DNAJC13: variants seen among roughly 807,000 people sequenced by gnomAD.
The protein encoded by DNAJC13 is dnaJ homolog subfamily C member 13.
A neutral mutation model predicts 290.5 loss-of-function variants in DNAJC13; 75 were observed. That is an observed-to-expected ratio of 0.26 (90% CI 0.21 to 0.31). DNAJC13 has a LOEUF of 0.31. DNAJC13 is among the 10% of genes least tolerant of loss of function. The pLI is 1.00. For missense variants in DNAJC13, 2,260 were observed against 2,674.5 expected, an observed-to-expected ratio of 0.85 and a Z score of 3.42; for synonymous variants, 862 against 892.0, an observed-to-expected ratio of 0.97 and a Z score of 0.60.
intron 36 of DNAJC13, among the ~76,000 whole-genome samples, chr3:132,497,743 A>G (rs111458582): frequency 1.4e-3 from 207 of 152,342 alleles, no homozygotes; most frequent in African/African-American, 4.8e-3. Flanking sequence ...TCTGTTATCA[A>G]GGTCATCTTT....
Position 132,507,347 on chromosome 3 carries a change from A to G in DNAJC13, c.5109A>G (p.Gln1703=), listed in dbSNP as rs1427423355. The part of the protein sequence containing the change: ...VRVYNEVPTF[Q]LEVPKAFAAS... ...TGTATAATGAAGTTCCTACTTTCCAACTGGAGGTAAGCTCTCTGCTTTTAA... is the reference window on the plus strand; with the variant it reads ...TGTATAATGAAGTTCCTACTTTCCAGCTGGAGGTAAGCTCTCTGCTTTTAA... The change falls in exon 43 of 56, where the codon CAA becomes CAG. Residue 1703 remains glutamine, a synonymous_variant. Coordinates refer to ENST00000260818, the MANE Select transcript of DNAJC13 (RefSeq NM_015268.4). 2.6e-6 allele frequency: 4 copies of G among 1,563,138 alleles called. No homozygotes were observed. Among genetic ancestry groups the G allele is most frequent in the Non-Finnish European group, 3.5e-6 (4 of 1,134,400 alleles).
intron 2 of DNAJC13, among the ~76,000 whole-genome samples, chr3:132,436,015 G>A (rs1939376263): frequency 6.6e-6 from 1 of 152,116 alleles, no homozygotes; most frequent in Admixed American, 6.5e-5. Flanking sequence ...TTTAGGCCTT[G>A]AGACTTGGTT....
chr3:132,463,742 G>A lies in DNAJC13; in HGVS notation c.1817G>A (p.Ser606Asn), dbSNP rs1933885457. 1.2e-6 allele frequency: 2 copies of A among 1,613,318 alleles called. No homozygotes were observed. Among genetic ancestry groups the A allele is most frequent in the Non-Finnish European group, 1.7e-6 (2 of 1,179,534 alleles). ...IATKMQELAL[S>N]EGALPRHLHT... Reference sequence around the variant, plus strand: ...ACAAAAATGCAGGAGCTTGCCCTAAGTGAAGGTGCCTTACCTCGACACTTG... The same window carrying A: ...ACAAAAATGCAGGAGCTTGCCCTAAATGAAGGTGCCTTACCTCGACACTTG... The change falls in exon 17 of 56, where the codon AGT (serine) becomes AAT (asparagine). Residue 606 changes from serine (S) to asparagine (N), a missense_variant. Ser to Asn is a conservative substitution (Grantham distance 46). Coordinates refer to ENST00000260818, the MANE Select transcript of DNAJC13 (RefSeq NM_015268.4).
chr3:132,445,055 A>C (rs918161907), intron 2 of DNAJC13, among the ~76,000 whole-genome samples: 5 of 152,160 alleles, frequency 3.3e-5, no homozygotes, highest in African/African-American at 1.2e-4. Flanking sequence ...AAAAATAGAC[A>C]AGAGAAAAAT....
intron 36 of DNAJC13, 134 bp downstream of exon 36, chr3:132,496,797 G>T: frequency 5.6e-6 from 5 of 894,220 alleles, no homozygotes; most frequent in Non-Finnish European, 7.6e-6. Context: ...TTGGAATTAT[G>T]TTTTAAATAA....
intron 1 of DNAJC13, among the ~76,000 whole-genome samples, chr3:132,423,197 T>G (rs888121386): frequency 1.3e-5 from 2 of 152,140 alleles, no homozygotes; most frequent in Non-Finnish European, 2.9e-5. Context: ...GAGGATTGCT[T>G]GAACCCAGGA....
At chr3:132,472,950 AATT>A (rs1422643875) in intron 20 of DNAJC13, among the ~76,000 whole-genome samples, 192 bp from the exon 21 acceptor site, 1 of 152,226 alleles carries the variant, frequency 6.6e-6, no homozygotes, top group Admixed American at 6.5e-5. Flanking sequence ...TATGCTGTCA[AATT>A]ATTATATGTG....
intron 54 of DNAJC13, among the ~76,000 whole-genome samples, chr3:132,528,808 T>C (rs1364481051): frequency 1.3e-5 from 2 of 152,028 alleles, no homozygotes; most frequent in African/African-American, 2.4e-5. Context: ...TTCCTATGTG[T>C]GTTAATGTAT....
At chr3:132,486,413 A>G (rs1934879336) in intron 29 of DNAJC13, among the ~76,000 whole-genome samples, 2 of 152,146 alleles carry the variant, frequency 1.3e-5, no homozygotes, top group Non-Finnish European at 1.5e-5. Flanking sequence ...AAATGGCATT[A>G]AATTTCAGTC....
chr3:132,479,278 A>G lies in DNAJC13; in HGVS notation c.2761A>G (p.Ile921Val). The G allele has an allele frequency of 1.2e-6, 2 of 1,602,800 alleles. No individual in the cohort carries two copies. The highest frequency in any genetic ancestry group is 1.7e-6 in the Non-Finnish European group (2 of 1,170,394). ...DRLILFLNKL[I>V]LNKKNVKDLM... ...GTTGATTCTCTTCCTTAACAAGTTGATCCTTAATAAGGTACAGTAGTTTCG... is the reference window on the plus strand; with the variant it reads ...GTTGATTCTCTTCCTTAACAAGTTGGTCCTTAATAAGGTACAGTAGTTTCG... Residue 921 changes from isoleucine (I) to valine (V), a missense_variant, in exon 25 of 56, where the codon ATC becomes GTC. Ile to Val is a conservative substitution (Grantham distance 29, BLOSUM62 3). Coordinates refer to ENST00000260818, the MANE Select transcript of DNAJC13 (RefSeq NM_015268.4).
chr3:132,538,302 A>G lies in DNAJC13; in HGVS notation c.*20A>G, dbSNP rs777953639. On this transcript the variant is annotated 3_prime_UTR_variant, in exon 56 of 56. Coordinates refer to ENST00000260818, the MANE Select transcript of DNAJC13 (RefSeq NM_015268.4). ...ACTTGAAATATTCACGAGAGACAAT[A>G]AACGCTGAAAGGCCAGTGCCAAGTC... 1 of 1,601,680 alleles carries G rather than the reference A, an allele frequency of 6.2e-7. No individual in the cohort carries two copies. The highest frequency in any genetic ancestry group is 8.5e-7 in the Non-Finnish European group (1 of 1,170,954).
At chr3:132,436,874 T>C (rs1186741643) in intron 2 of DNAJC13, among the ~76,000 whole-genome samples, 3 of 150,848 alleles carry the variant, frequency 2.0e-5, no homozygotes, top group African/African-American at 7.3e-5. Context: ...AAAAATTTTT[T>C]TTATTTTACT....
At chr3:132,460,392 A>T in intron 14 of DNAJC13, 35 bp downstream of exon 14, 1 of 1,404,240 alleles carries the variant, frequency 7.1e-7, no homozygotes, top group African/African-American at 1.5e-5. Context: ...CATGGTAGAT[A>T]CCATACCATT....
intron 20 of DNAJC13, 116 bp downstream of exon 20, chr3:132,467,429 A>T (rs1934034466): frequency 1.1e-6 from 1 of 933,568 alleles, no homozygotes; most frequent in Non-Finnish European, 1.6e-6. Flanking sequence ...CCTGAAGCTT[A>T]AAAATGAATG....
intron 17 of DNAJC13, among the ~76,000 whole-genome samples, chr3:132,465,101 A>G (rs974539941): frequency 5.3e-5 from 8 of 152,206 alleles, no homozygotes; most frequent in African/African-American, 1.7e-4. Context: ...AATTACTTCA[A>G]TATGTTAGCT....
intron 39 of DNAJC13, 46 bp from the exon 40 acceptor site, chr3:132,502,243 T>C (rs1935438445): frequency 1.5e-5 from 22 of 1,454,650 alleles, no homozygotes; most frequent in Non-Finnish European, 1.9e-5. Context: ...TTTTTTTTTT[T>C]TTTTTAACTC....
intron 55 of DNAJC13, among the ~76,000 whole-genome samples, chr3:132,535,005 G>A (rs139458299): frequency 1.3e-5 from 2 of 152,264 alleles, no homozygotes; most frequent in Non-Finnish European, 2.9e-5. Flanking sequence ...AATGTGCCCC[G>A]TGCTACTCCC....
In DNAJC13 at chr3:132,502,349, T is replaced by C. The variant is rs759696878; in HGVS notation, c.4597T>C (p.Trp1533Arg). The C allele has an allele frequency of 3.1e-6, 5 of 1,614,054 alleles. No individual in the cohort carries two copies. Among genetic ancestry groups the C allele is most frequent in the East Asian group, 2.2e-5 (1 of 44,862 alleles). Residue 1533 changes from tryptophan to arginine, a missense_variant, in exon 40 of 56, where the codon TGG (tryptophan) becomes CGG (arginine). This residue lies in a region of DNAJC13 where 1,494 missense variants were observed against 1,693.7 expected (regional missense o/e 0.88). Coordinates refer to ENST00000260818, the MANE Select transcript of DNAJC13 (RefSeq NM_015268.4). ...ECVSSFAVDF[W>R]LQTHLFQAGI... ...TGTCAGTTCTTTTGCTGTGGATTTCTGGCTACAGACACACCTATTTCAGGC... is the reference window on the plus strand; with the variant it reads ...TGTCAGTTCTTTTGCTGTGGATTTCCGGCTACAGACACACCTATTTCAGGC...
chr3:132,472,664 C>G, intron 20 of DNAJC13: 1 of 874,896 alleles, frequency 1.1e-6, no homozygotes, highest in Non-Finnish European at 1.4e-6. Flanking sequence ...AAATTCAAGT[C>G]TTAACTTCAC....
Sources: gnomAD v4.1 joint callset for allele counts (sites outside exome capture counted in the v4.1 genomes callset) on GRCh38, gnomAD v4.1.1 for gene constraint, gnomAD v4.1.1 regional missense constraint, MANE v1.5 for transcripts, NCBI Gene and HGNC (gene_info 2026-07-23, HGNC 2026-07-21) for gene names.